Variants in MED13L observed in about 807,000 individuals in gnomAD.
MED13L encodes mediator of RNA polymerase II transcription subunit 13-like.
In MED13L, 7 loss-of-function variants were observed where a neutral mutation model predicts 220.9. The ratio of observed to expected loss-of-function variants is 0.03; its 90% CI spans 0.02 to 0.06. The LOEUF (loss-of-function observed/expected upper bound fraction) is 0.06. Ranked by LOEUF, MED13L falls within the 10% of genes least tolerant of loss-of-function variation. The probability of loss-of-function intolerance (pLI) is 1.00; values close to 1 mark genes in which losing one functional copy is unlikely to be tolerated. For synonymous variants in MED13L, 1,011 were observed against 1,015.2 expected, an observed-to-expected ratio of 1.00 and a Z score of 0.08; for missense variants, 1,965 against 2,760.5, an observed-to-expected ratio of 0.71 and a Z score of 6.46.
At chr12:116,243,956 G>A (rs1339112495) in intron 1 of MED13L, among the ~76,000 whole-genome samples, 1 of 152,178 alleles carries the variant, frequency 6.6e-6, no homozygotes, top group Non-Finnish European at 1.5e-5. Flanking sequence ...ACTTGTAAAT[G>A]AGATGGAACC....
intron 2 of MED13L, among the ~76,000 whole-genome samples, chr12:116,115,187 G>C (rs1214515832): frequency 3.3e-5 from 5 of 152,114 alleles, no homozygotes; most frequent in African/African-American, 2.4e-5. Flanking sequence ...GAGCAAGCAA[G>C]CCAGCACAGT....
intron 16 of MED13L, among the ~76,000 whole-genome samples, chr12:115,993,183 T>A (rs1392389515): frequency 6.6e-6 from 1 of 152,224 alleles, no homozygotes; most frequent in Non-Finnish European, 1.5e-5. Context: ...ATCTTCAGAT[T>A]TTGGTATCCG....
At chr12:116,006,836 T>G (rs1879077607) in intron 11 of MED13L, 1 of 199,752 alleles carries the variant, frequency 5.0e-6, no homozygotes, top group African/African-American at 2.4e-5. Flanking sequence ...ATTTCCTTGA[T>G]TCTCAAGAAT....
chr12:116,245,906 T>A (rs531821077), intron 1 of MED13L, among the ~76,000 whole-genome samples: 1 of 152,264 alleles, frequency 6.6e-6, no homozygotes, highest in East Asian at 1.9e-4. Context: ...ATTTCTAGAT[T>A]GAAAGAGCTC....
chr12:116,035,249 C>CT (rs561143057), intron 4 of MED13L, among the ~76,000 whole-genome samples: 32 of 152,226 alleles, frequency 2.1e-4, no homozygotes, highest in African/African-American at 7.5e-4. Context: ...AGCCCAAAGA[C>CT]TTTAAAAGAG....
intron 5 of MED13L, among the ~76,000 whole-genome samples, chr12:116,020,265 T>C (rs1490492213): frequency 6.6e-6 from 1 of 151,866 alleles, no homozygotes; most frequent in Non-Finnish European, 1.5e-5. Flanking sequence ...AAATTTCTTA[T>C]TATTTATACA....
In MED13L at chr12:116,173,969, C is replaced by A. The variant is rs1879870062; in HGVS notation, c.311-62457G>T. ...TAAAAATTAGCCCAGTGTGATAGCACTGTAGTCCCAACTACTTGGGAGGCT... is the reference window on the plus strand; with the variant it reads ...TAAAAATTAGCCCAGTGTGATAGCAATGTAGTCCCAACTACTTGGGAGGCT... On this transcript the variant is annotated intron_variant, in intron 2 of 30. Transcript: ENST00000281928. Among the ~76,000 whole-genome samples the A allele has an allele frequency of 2.6e-5, 4 of 152,162 alleles. No individual in the cohort carries two copies. In the South Asian group the frequency reaches 6.2e-4, roughly 24 times the overall value.
intron 8 of MED13L, among the ~76,000 whole-genome samples, chr12:116,013,405 T>C (rs1879536958): frequency 1.3e-5 from 2 of 152,208 alleles, no homozygotes; most frequent in South Asian, 4.1e-4. Flanking sequence ...ACAAACTTTG[T>C]TTCATGCACA....
intron 12 of MED13L, 56 bp downstream of exon 12, chr12:116,006,249 TC>T: frequency 1.4e-6 from 2 of 1,459,220 alleles, no homozygotes; most frequent in Non-Finnish European, 1.9e-6. Flanking sequence ...GAGAAGCATC[TC>T]CTTTGCATTT....
intron 1 of MED13L, among the ~76,000 whole-genome samples, chr12:116,273,538 T>C (rs546068398): frequency 6.6e-6 from 1 of 150,876 alleles, no homozygotes; most frequent in Non-Finnish European, 1.5e-5. Context: ...TACCTTCCCA[T>C]TCTGCAAAAA....
chr12:116,087,969 C>G (rs148016375), intron 4 of MED13L, among the ~76,000 whole-genome samples: 1 of 152,236 alleles, frequency 6.6e-6, no homozygotes, highest in East Asian at 1.9e-4. Context: ...CAAAGTAGTT[C>G]CTTCCACTCC....
chr12:116,256,446 G>A (rs1190118817), intron 1 of MED13L, among the ~76,000 whole-genome samples: 6 of 152,042 alleles, frequency 3.9e-5, no homozygotes, highest in African/African-American at 2.4e-5. Context: ...AGGCTGAGGG[G>A]CAAGGGGGAG....
At chr12:116,105,262 C>T (rs965298366) in intron 3 of MED13L, among the ~76,000 whole-genome samples, 15 of 152,208 alleles carry the variant, frequency 9.9e-5, no homozygotes, top group African/African-American at 3.6e-4. Flanking sequence ...CAAAATTTCC[C>T]TAAATTGAGG....
intron 2 of MED13L, among the ~76,000 whole-genome samples, chr12:116,209,619 C>T (rs1203258278): frequency 6.6e-6 from 1 of 152,142 alleles, no homozygotes; most frequent in Non-Finnish European, 1.5e-5. Flanking sequence ...TCTATGCTTT[C>T]CTTCCTAAGT....
intron 2 of MED13L, among the ~76,000 whole-genome samples, chr12:116,144,064 C>A (rs1215502981): frequency 6.6e-6 from 1 of 152,146 alleles, no homozygotes; most frequent in Non-Finnish European, 1.5e-5. Context: ...CTTTCCTTTG[C>A]CCCTGTGTTC....
intron 2 of MED13L, among the ~76,000 whole-genome samples, chr12:116,153,085 G>A (rs1407700186): frequency 6.6e-6 from 1 of 152,106 alleles, no homozygotes; most frequent in African/African-American, 2.4e-5. Context: ...AGTAATGTGA[G>A]GCTCAGAATT....
chr12:116,271,749 G>A (rs1036665227), intron 1 of MED13L, among the ~76,000 whole-genome samples: 8 of 152,018 alleles, frequency 5.3e-5, no homozygotes, highest in African/African-American at 1.9e-4. Context: ...TAACAATGTT[G>A]CATGTATTTT....
At chr12:116,062,219 C>T (rs1869554989) in intron 4 of MED13L, among the ~76,000 whole-genome samples, 1 of 151,796 alleles carries the variant, frequency 6.6e-6, no homozygotes, top group Admixed American at 6.6e-5. Flanking sequence ...GTGGAGCAAT[C>T]TCAGCTCACT....
intron 1 of MED13L, among the ~76,000 whole-genome samples, chr12:116,241,962 T>C (rs181134621): frequency 5.9e-5 from 9 of 152,104 alleles, no homozygotes; most frequent in Admixed American, 3.9e-4. Context: ...CCATCGTGGA[T>C]GTTTATTCAA....
Sources: gnomAD v4.1 joint callset for allele counts (sites outside exome capture counted in the v4.1 genomes callset) on GRCh38, gnomAD v4.1.1 for gene constraint, MANE v1.5 for transcripts, NCBI Gene and HGNC (gene_info 2026-07-23, HGNC 2026-07-21) for gene names.